The following VPS13B variants were observed in gnomAD, a reference collection of about 807,000 sequenced individuals.
VPS13B encodes intermembrane lipid transfer protein VPS13B.
Under a neutral mutation model 426.4 loss-of-function variants are expected in VPS13B, and 285 were observed. The ratio of observed to expected loss-of-function variants is 0.67; its 90% CI spans 0.61 to 0.74. The LOEUF is 0.74. VPS13B is among the 30% of genes least tolerant of loss of function. The pLI is 0.00. For missense variants in VPS13B, 4,537 were observed against 4,782.6 expected, an observed-to-expected ratio of 0.95 and a Z score of 1.51; for synonymous variants, 1,676 against 1,676.4, an observed-to-expected ratio of 1.00 and a Z score of 0.01.
chr8:99,282,927 T>A (rs1819245603), intron 19 of VPS13B, among the ~76,000 whole-genome samples: 1 of 152,170 alleles, frequency 6.6e-6, no homozygotes, highest in African/African-American at 2.4e-5. Flanking sequence ...TCATTGTTAT[T>A]GGAAAGGAAA....
chr8:99,174,107 TGTTTTCAA>T (rs1324314461), intron 16 of VPS13B, among the ~76,000 whole-genome samples: 1 of 152,194 alleles, frequency 6.6e-6, no homozygotes, highest in Non-Finnish European at 1.5e-5. Context: ...CTTAGCATAA[TGTTTTCAA>T]GATTAATCCG....
intron 17 of VPS13B, among the ~76,000 whole-genome samples, chr8:99,243,007 A>G (rs956309020): frequency 6.6e-6 from 1 of 152,176 alleles, no homozygotes. Flanking sequence ...AGCTTTTAGC[A>G]TTGTCCCTTA....
Position 99,111,291 on chromosome 8 carries a change from T to C in VPS13B, c.762+12T>C. Reference sequence around the variant, plus strand: ...CATCTGTTATTAAAGTAGGTATCTCTTTTTTTTGCAGTTAAGTTGCATGTC... The same window carrying C: ...CATCTGTTATTAAAGTAGGTATCTCCTTTTTTTGCAGTTAAGTTGCATGTC... On this transcript the variant is annotated intron_variant, in intron 6 of 61. Transcript: ENST00000357162. 6.4e-7 allele frequency: 1 copy of C among 1,564,472 alleles called. No homozygotes were observed. Among genetic ancestry groups the C allele is most frequent in the Non-Finnish European group, 8.7e-7 (1 of 1,151,408 alleles).
chr8:99,832,435 T>C lies in VPS13B; in HGVS notation c.9397T>C (p.Ser3133Pro), dbSNP rs1369238432. ...AGGTGGAGAGCAGCCTGCTATGAAA[T>C]CCAGCTCCCTTCCTTGCTGGGACTT... ...CPGGEQPAMK[S>P]SSLPCWDLMP... Residue 3133 changes from serine (S) to proline (P), a missense_variant, in exon 52 of 62, where the codon TCC (serine) becomes CCC (proline). Physicochemically the swap from Ser to Pro is moderately conservative, Grantham distance 74 (BLOSUM62 -1). Transcript: ENST00000357162. The C allele has an allele frequency of 6.7e-7, 1 of 1,488,286 alleles. No homozygotes were observed. Among genetic ancestry groups the C allele is most frequent in the Non-Finnish European group, 9.1e-7 (1 of 1,103,314 alleles). 92.2% of individuals were successfully genotyped at this position (1,488,286 alleles called of 1,614,324 possible). A position where few individuals can be genotyped will look rare whatever the true frequency, so the allele number is the denominator to read the frequency against.
At chr8:99,130,388 CTTT>C (rs539820640) in intron 8 of VPS13B, among the ~76,000 whole-genome samples, 15 of 135,092 alleles carry the variant, frequency 1.1e-4, no homozygotes, top group Non-Finnish European at 1.4e-4. Flanking sequence ...TGTTCGGGTC[CTTT>C]TTTTTTTTTT....
intron 54 of VPS13B, among the ~76,000 whole-genome samples, chr8:99,840,894 T>A (rs966297143): frequency 6.6e-6 from 1 of 152,210 alleles, no homozygotes; most frequent in Admixed American, 6.5e-5. Context: ...AAATGTGTAA[T>A]GCAGGTATTT....
intron 23 of VPS13B, among the ~76,000 whole-genome samples, chr8:99,458,874 G>A (rs971522615): frequency 2.6e-5 from 4 of 152,156 alleles, no homozygotes; most frequent in Admixed American, 1.3e-4. Flanking sequence ...TAGGTTGCCT[G>A]TTCACTCTGA....
At chr8:99,545,296 G>T (rs959598808) in intron 30 of VPS13B, among the ~76,000 whole-genome samples, 2 of 151,908 alleles carry the variant, frequency 1.3e-5, no homozygotes, top group African/African-American at 4.8e-5. Context: ...CATTCTCCTT[G>T]TACGCACATG....
At chr8:99,873,373 T>C (rs1397245909) in intron 61 of VPS13B, 1 of 152,126 alleles carries the variant, frequency 6.6e-6, no homozygotes, top group Non-Finnish European at 1.5e-5. Flanking sequence ...GCTGAGATTA[T>C]TGGGATTGTG....
chr8:99,627,176 G>T (rs1275075708), intron 33 of VPS13B, among the ~76,000 whole-genome samples: 1 of 151,946 alleles, frequency 6.6e-6, no homozygotes, highest in East Asian at 1.9e-4. Context: ...TAGACAAGAG[G>T]CATAAGTTTT....
chr8:99,038,679 C>CTTTTTT (rs34774482), intron 3 of VPS13B, 113 bp downstream of exon 3: 3 of 168,702 alleles, frequency 1.8e-5, no homozygotes, highest in South Asian at 4.9e-5. Context: ...AGCTTATATA[C>CTTTTTT]TTTTTTTTTT....
At chr8:99,703,622 A>G (rs1373037068) in intron 36 of VPS13B, among the ~76,000 whole-genome samples, 1 of 152,296 alleles carries the variant, frequency 6.6e-6, no homozygotes, top group Admixed American at 6.5e-5. Context: ...TTTTCTGAAA[A>G]CAAAACAACA....
At chr8:99,471,836 T>A (rs1179161783) in intron 24 of VPS13B, among the ~76,000 whole-genome samples, 4 of 152,114 alleles carry the variant, frequency 2.6e-5, no homozygotes, top group African/African-American at 9.7e-5. Context: ...CCTAGAGTAT[T>A]TACTCTCTGG....
In VPS13B at chr8:99,096,505, CA is replaced by C. The variant is rs1461611589; in HGVS notation, c.412+74del. 1.7e-5 allele frequency: 27 copies of C among 1,597,198 alleles called. No individual in the cohort carries two copies. The East Asian group carries it at 5.0e-4, about 30-fold the overall frequency. ...GCATGGTGGCTCATGCCTGTAATCC[CA>C]GTGCTTTGGGGGGCTGAGGCGGGTG... is the stretch of plus-strand genomic sequence containing the variant. On this transcript the variant is annotated intron_variant, in intron 4 of 61. Coordinates refer to ENST00000357162, the MANE Select transcript of VPS13B (RefSeq NM_152564.5).
At chr8:99,452,822 G>C (rs1189845394) in intron 23 of VPS13B, among the ~76,000 whole-genome samples, 2 of 152,252 alleles carry the variant, frequency 1.3e-5, no homozygotes, top group South Asian at 2.1e-4. Flanking sequence ...GAAAGGGAGA[G>C]ATGATCTCTA....
chr8:99,682,107 C>A (rs1327276966), intron 35 of VPS13B, among the ~76,000 whole-genome samples: 1 of 152,218 alleles, frequency 6.6e-6, no homozygotes, highest in Admixed American at 6.5e-5. Flanking sequence ...TTTAAAATCA[C>A]ACTGAGACTT....
chr8:99,418,502 T>G (rs572837201), intron 21 of VPS13B, among the ~76,000 whole-genome samples: 7 of 137,524 alleles, frequency 5.1e-5, no homozygotes, highest in African/African-American at 1.9e-4. Flanking sequence ...TTTCTTTCTT[T>G]CTTTCTTTCT....
chr8:99,522,623 C>T (rs1298514467), intron 30 of VPS13B, among the ~76,000 whole-genome samples: 1 of 151,914 alleles, frequency 6.6e-6, no homozygotes, highest in Non-Finnish European at 1.5e-5. Flanking sequence ...GCTCTTTTGG[C>T]TCAGGACAAC....
intron 8 of VPS13B, 49 bp from the exon 9 acceptor site, chr8:99,134,583 T>C: frequency 7.2e-7 from 1 of 1,386,680 alleles, no homozygotes; most frequent in African/African-American, 1.4e-5. Flanking sequence ...GACAATTTAT[T>C]GCTCTTTAAT....
Sources: allele counts gnomAD v4.1 joint callset (sites outside exome capture counted in the v4.1 genomes callset), GRCh38; gene constraint gnomAD v4.1.1; transcripts MANE v1.5; gene names NCBI Gene and HGNC (gene_info 2026-07-23, HGNC 2026-07-21).